The following PHTF2 variants were observed in gnomAD, a reference collection of about 807,000 sequenced individuals.
PHTF2 encodes the protein protein PHTF2.
In PHTF2, 60 loss-of-function variants were observed where a neutral mutation model predicts 101.2. The ratio of observed to expected loss-of-function variants is 0.59; its 90% confidence interval spans 0.48 to 0.73. The LOEUF (loss-of-function observed/expected upper bound fraction) is 0.73, where lower values mean the gene tolerates loss of function less well. Ranked by LOEUF, PHTF2 falls within the 30% of genes least tolerant of loss-of-function variation. The pLI is 0.00. For synonymous variants in PHTF2, 311 were observed against 307.3 expected (o/e 1.01, Z -0.13); for missense variants, 747 against 908.7 (o/e 0.82, Z 2.29).
chr7:77,875,613 G>A (rs1004795529), intron 3 of PHTF2, among the ~76,000 whole-genome samples: 6 of 151,538 alleles, frequency 4.0e-5, no homozygotes, highest in Non-Finnish European at 7.4e-5. Flanking sequence ...GCTGGAGTGC[G>A]GTGGCACCAT....
chr7:77,839,015 A>G (rs1795672642), intron 1 of PHTF2, among the ~76,000 whole-genome samples: 1 of 152,062 alleles, frequency 6.6e-6, no homozygotes, highest in African/African-American at 2.4e-5. Flanking sequence ...GCTCCCACTC[A>G]TGCATGCTCC....
At chr7:77,840,794 A>G (rs1050893278) in intron 2 of PHTF2, among the ~76,000 whole-genome samples, 8 of 152,028 alleles carry the variant, frequency 5.3e-5, no homozygotes, top group South Asian at 2.1e-4. Context: ...ATCATCTTAT[A>G]TATTTCAGAA....
intron 1 of PHTF2, among the ~76,000 whole-genome samples, chr7:77,805,825 G>A (rs943346437): frequency 6.6e-6 from 1 of 152,178 alleles, no homozygotes; most frequent in African/African-American, 2.4e-5. Context: ...ATTATGGTCT[G>A]CTTTGGCAAA....
intron 3 of PHTF2, among the ~76,000 whole-genome samples, chr7:77,855,026 G>A (rs1176034949): frequency 6.6e-6 from 1 of 152,214 alleles, no homozygotes; most frequent in Non-Finnish European, 1.5e-5. Context: ...TCTTCCTTAA[G>A]CAGAAGGAAT....
intron 18 of PHTF2, among the ~76,000 whole-genome samples, chr7:77,952,871 T>G (rs1806672901): frequency 6.6e-6 from 1 of 152,192 alleles, no homozygotes; most frequent in South Asian, 2.1e-4. Flanking sequence ...GTCCGCTGAT[T>G]CAGTCTTTTA....
At chr7:77,922,740 A>G (rs953769485) in exon 11 of PHTF2, 1 of 1,606,406 alleles carries the variant, frequency 6.2e-7, no homozygotes, top group Admixed American at 1.7e-5. Context: ...TCTTCGGAAT[A>G]GAAAGTCACA....
intron 2 of PHTF2, among the ~76,000 whole-genome samples, chr7:77,852,733 T>C (rs1404241420): frequency 3.3e-5 from 5 of 152,206 alleles, no homozygotes; most frequent in African/African-American, 1.2e-4. Context: ...CCTTTCAGAT[T>C]GAAGAACTCC....
intron 3 of PHTF2, among the ~76,000 whole-genome samples, chr7:77,878,345 C>T (rs1348731746): frequency 6.6e-6 from 1 of 151,708 alleles, no homozygotes; most frequent in African/African-American, 2.4e-5. Context: ...ACCAGTTGAG[C>T]CATTTTATGG....
exon 15 of PHTF2, chr7:77,940,604 G>A (rs1033313324): frequency 3.7e-6 from 6 of 1,606,420 alleles, no homozygotes; most frequent in African/African-American, 1.3e-5. Flanking sequence ...CCTCATTTCC[G>A]GTTGAAGAAA....
chr7:77,903,160 C>T (rs181416701), intron 7 of PHTF2, among the ~76,000 whole-genome samples: 19 of 152,118 alleles, frequency 1.2e-4, no homozygotes, highest in Admixed American at 1.1e-3. Context: ...AATATCTTGT[C>T]CTACTTCAAT....
rs185327653 is a variant in PHTF2, at chr7:77,891,795, A to C, written c.148-1813A>C. Among the ~76,000 whole-genome samples, 106 of 152,178 alleles carry C rather than the reference A, an allele frequency of 7.0e-4. 1 individual carries two copies. Among genetic ancestry groups the C allele is most frequent in the African/African-American group, 2.4e-3 (101 of 41,514 alleles). On this transcript the variant is annotated intron_variant, in intron 3 of 19. Coordinates refer to ENST00000416283, the Ensembl canonical transcript of PHTF2. ...AGAGACAGGTCTCACTACATTGCCAAGATTGGTACCAAACTCCTGGGCTCA... is the reference window on the plus strand; with the variant it reads ...AGAGACAGGTCTCACTACATTGCCACGATTGGTACCAAACTCCTGGGCTCA...
chr7:77,842,746 T>C (rs117760809), intron 2 of PHTF2, among the ~76,000 whole-genome samples: 6,179 of 152,282 alleles, frequency 0.041, 221 homozygotes, highest in Non-Finnish European at 0.058. Flanking sequence ...ATACAAAATG[T>C]CGTACAACAT....
At chr7:77,895,228 A>C in intron 5 of PHTF2, 4 of 444,884 alleles carry the variant, frequency 9.0e-6, no homozygotes, top group Non-Finnish European at 1.8e-5. Flanking sequence ...ACATACATAT[A>C]TAAAACATTA....
chr7:77,871,808 A>C (rs1436117296), intron 3 of PHTF2, among the ~76,000 whole-genome samples: 1 of 152,092 alleles, frequency 6.6e-6, no homozygotes, highest in East Asian at 1.9e-4. Flanking sequence ...CCACTGCCAC[A>C]CTTCTGTAGC....
chr7:77,908,723 CA>C, intron 7 of PHTF2, 69 bp from the exon 7 acceptor site: 1 of 1,000,642 alleles, frequency 1.0e-6, no homozygotes, highest in South Asian at 2.4e-5. Context: ...AATGTAAAAA[CA>C]ATTTTAAAAG....
intron 11 of PHTF2, 118 bp downstream of exon 10, chr7:77,922,896 T>C: frequency 7.8e-7 from 1 of 1,286,196 alleles, no homozygotes; most frequent in East Asian, 2.6e-5. Context: ...TATCAATATT[T>C]ATTATTGTTG....
At chr7:77,801,414 C>T (rs935621171) in intron 1 of PHTF2, among the ~76,000 whole-genome samples, 51 of 152,104 alleles carry the variant, frequency 3.4e-4, no homozygotes, top group African/African-American at 1.2e-3. Context: ...GAAACCCCGT[C>T]TCTACTAAAA....
chr7:77,913,260 T>C (rs1802575854), intron 9 of PHTF2, among the ~76,000 whole-genome samples: 1 of 151,704 alleles, frequency 6.6e-6, no homozygotes, highest in Non-Finnish European at 1.5e-5. Context: ...TGATAGTGGG[T>C]GCCTATAATC....
In PHTF2 at chr7:77,934,826, G is replaced by T. The variant is rs1804937560; in HGVS notation, c.1339-2884G>T. Among the ~76,000 whole-genome samples, 6 of 152,052 alleles carry T rather than the reference G, an allele frequency of 3.9e-5. No homozygotes were observed. The South Asian group carries it at 1.2e-3, about 32-fold the overall frequency. Reference sequence around the variant, plus strand: ...GTCGGGCATGGTGGTGGGCACGGTGGCAGGCACCTGTAATCCCAGCTGCTC... The same window carrying T: ...GTCGGGCATGGTGGTGGGCACGGTGTCAGGCACCTGTAATCCCAGCTGCTC... On this transcript the variant is annotated intron_variant, in intron 12 of 19. Coordinates refer to ENST00000416283, the Ensembl canonical transcript of PHTF2.
Sources: gnomAD v4.1 joint callset for allele counts (sites outside exome capture counted in the v4.1 genomes callset) on GRCh38, gnomAD v4.1.1 for gene constraint, MANE v1.5 for transcripts, NCBI Gene and HGNC (gene_info 2026-07-23, HGNC 2026-07-21) for gene names.